PDS5A: variants seen among roughly 807,000 people sequenced by gnomAD.
PDS5A encodes sister chromatid cohesion protein PDS5 homolog A.
PDS5A carries 42 observed loss-of-function variants against 167.1 expected under a neutral mutation model. The observed-to-expected ratio is 0.25, with a 90% CI of 0.20 to 0.33. The LOEUF (loss-of-function observed/expected upper bound fraction) is 0.33, where lower values mean the gene tolerates loss of function less well. Ranked by LOEUF, PDS5A falls within the 10% of genes least tolerant of loss-of-function variation. The probability of loss-of-function intolerance (pLI) is 1.00; values close to 1 mark genes in which losing one functional copy is unlikely to be tolerated. For synonymous variants in PDS5A, 553 were observed against 554.6 expected (o/e 1.00, Z 0.04); for missense variants, 1,033 against 1,605.9 (o/e 0.64, Z 6.10).
rs1715631505 is a variant in PDS5A at position 39,829,624 on chromosome 4, G to A, written c.4011-4136C>T. Among the ~76,000 whole-genome samples, 10 of 149,886 alleles carry A rather than the reference G, an allele frequency of 6.7e-5. No homozygotes were observed. The Admixed American group carries it at 6.7e-4, about 10-fold the overall frequency. Reference sequence around the variant, plus strand: ...ACTGCGCCACTACACTCCAGCCTGGGTGACAGAGTGAGACTTCATCTCCAC... The same window carrying A: ...ACTGCGCCACTACACTCCAGCCTGGATGACAGAGTGAGACTTCATCTCCAC... On this transcript the variant is annotated intron_variant, in intron 32 of 32. Coordinates refer to ENST00000303538, the MANE Select transcript of PDS5A (RefSeq NM_001100399.2).
rs1286768747 is a variant in PDS5A, at chr4:39,973,856, T to C, written c.138+2584A>G. 4.5e-6 allele frequency: 4 copies of C among 890,536 alleles called. No homozygotes were observed. In the African/African-American group the frequency reaches 6.5e-5, roughly 15 times the overall value. The allele number at this position is 890,536 out of a possible 1,614,324, so 55.2% of individuals were successfully genotyped here. On this transcript the variant is annotated intron_variant, in intron 2 of 32. Coordinates refer to ENST00000303538, the MANE Select transcript of PDS5A (RefSeq NM_001100399.2). ...AACCGTGCTGCAAGACCGGGCGCGG[T>C]GGCTCACGCCTGTAATCCCAGCACT...
chr4:39,906,928 A>AT (rs1723419891), intron 11 of PDS5A, among the ~76,000 whole-genome samples: 1 of 145,082 alleles, frequency 6.9e-6, no homozygotes, highest in African/African-American at 2.8e-5. Context: ...AAAAAAAAAA[A>AT]AAAAAAAAAA....
At chr4:39,968,273 TG>T (rs1730170291) in intron 2 of PDS5A, among the ~76,000 whole-genome samples, 1 of 151,646 alleles carries the variant, frequency 6.6e-6, no homozygotes, top group African/African-American at 2.4e-5. Flanking sequence ...GTATTTTAAA[TG>T]TCACTTATTA....
At chr4:39,853,002 C>T (rs919553475) in intron 26 of PDS5A, among the ~76,000 whole-genome samples, 3 of 152,076 alleles carry the variant, frequency 2.0e-5, no homozygotes, top group African/African-American at 7.2e-5. Context: ...TGCAGCCTAC[C>T]TCCTGGGCTC....
chr4:39,902,527 T>G, intron 12 of PDS5A, 67 bp from the exon 13 acceptor site: 1 of 775,936 alleles, frequency 1.3e-6, no homozygotes, highest in East Asian at 2.7e-5. Context: ...AAGCAATTTT[T>G]TTTTTTTTTT....
At chr4:39,862,728 T>C in intron 25 of PDS5A, 141 bp downstream of exon 25, 1 of 621,562 alleles carries the variant, frequency 1.6e-6, no homozygotes, top group Non-Finnish European at 2.8e-6. Context: ...TTTAAGTACA[T>C]CATAACTACA....
chr4:39,830,341 C>A (rs1003978148), intron 32 of PDS5A, among the ~76,000 whole-genome samples: 1 of 152,182 alleles, frequency 6.6e-6, no homozygotes, highest in African/African-American at 2.4e-5. Context: ...AGGTGAATAC[C>A]ACCATGCCGG....
At chr4:39,967,744 G>A (rs1010039015) in intron 2 of PDS5A, among the ~76,000 whole-genome samples, 3 of 151,874 alleles carry the variant, frequency 2.0e-5, no homozygotes, top group Admixed American at 6.6e-5. Context: ...CAGATTATGA[G>A]GTCAGGAGTT....
intron 11 of PDS5A, among the ~76,000 whole-genome samples, chr4:39,905,770 C>T (rs1169740910): frequency 1.3e-5 from 2 of 151,198 alleles, no homozygotes; most frequent in South Asian, 2.1e-4. Flanking sequence ...GACTCAATGC[C>T]TCTGACGAAG....
intron 2 of PDS5A, among the ~76,000 whole-genome samples, chr4:39,961,923 T>C (rs1001608696): frequency 3.3e-5 from 5 of 152,250 alleles, no homozygotes; most frequent in Non-Finnish European, 7.3e-5. Flanking sequence ...ACCTAATTTC[T>C]ATTTAATTCA....
rs1253166973 is a variant in PDS5A, at chr4:39,827,059, G to A, written c.4011-1571C>T. ...CTCTGTTGCCCAGGCTGGAGTGCTTGGCATGATCTCGGCTCACCACAACCT... is the reference window on the plus strand; with the variant it reads ...CTCTGTTGCCCAGGCTGGAGTGCTTAGCATGATCTCGGCTCACCACAACCT... On this transcript the variant is annotated intron_variant, in intron 32 of 32. Transcript: ENST00000303538. Among the ~76,000 whole-genome samples, 13 of 151,152 alleles carry A rather than the reference G, an allele frequency of 8.6e-5. No individual in the cohort carries two copies. The East Asian group carries it at 2.6e-3, about 30-fold the overall frequency.
At chr4:39,829,649 C>CAAA (rs150136201) in intron 32 of PDS5A, among the ~76,000 whole-genome samples, 1 of 107,924 alleles carries the variant, frequency 9.3e-6, no homozygotes, top group African/African-American at 3.6e-5. Flanking sequence ...TTCATCTCCA[C>CAAA]AAAAAAAAAA....
At chr4:39,971,451 G>A (rs961825684) in intron 2 of PDS5A, among the ~76,000 whole-genome samples, 12 of 150,694 alleles carry the variant, frequency 8.0e-5, no homozygotes, top group Middle Eastern at 3.5e-3. Flanking sequence ...CCACCGCACC[G>A]GGCCTGCCTT....
At chr4:39,949,821 G>GAAAAAAA (rs59869303) in intron 2 of PDS5A, among the ~76,000 whole-genome samples, 2,049 of 67,176 alleles carry the variant, frequency 0.031, 248 homozygotes, top group East Asian at 0.26. Flanking sequence ...CTCTGTCTCA[G>GAAAAAAA]AAAAAAAAAA....
Position 39,912,566 on chromosome 4 carries a change from G to A in PDS5A, c.992+1045C>T, listed in dbSNP as rs1723986100. Among the ~76,000 whole-genome samples, 2 of 152,322 alleles carry A rather than the reference G, an allele frequency of 1.3e-5. 1 individual carries two copies. Among genetic ancestry groups the A allele is most frequent in the East Asian group, 3.9e-4 (2 of 5,194 alleles). On this transcript the variant is annotated intron_variant, in intron 9 of 32. Transcript: ENST00000303538. ...AGTAGGCCTTGTCAGCGATTTCTCA[G>A]AACCTAGGATTAGTATGAGAACTAT...
chr4:39,899,747 G>C (rs1722714854), intron 14 of PDS5A, among the ~76,000 whole-genome samples: 1 of 151,212 alleles, frequency 6.6e-6, no homozygotes, highest in Non-Finnish European at 1.5e-5. Flanking sequence ...TATTCAGAAG[G>C]CTGAGGTGGG....
chr4:39,833,542 G>T (rs1337131538), intron 32 of PDS5A, among the ~76,000 whole-genome samples: 2 of 151,990 alleles, frequency 1.3e-5, no homozygotes, highest in Non-Finnish European at 2.9e-5. Context: ...GCACATACCA[G>T]ACACCTGGCT....
At position 39,824,206 on chromosome 4, in the gene PDS5A, C is replaced by G. The variant is rs1715076405; in HGVS notation, c.*1279G>C. On this transcript the variant is annotated 3_prime_UTR_variant, in exon 33 of 33. Coordinates refer to ENST00000303538, the MANE Select transcript of PDS5A (RefSeq NM_001100399.2). ...AAATTAAAAACCTGAGGCTTAGTCA[C>G]TATTTTATATAGATAATGGAGAGTT... 6.6e-6 allele frequency: 1 copy of G among 152,132 alleles called. No homozygotes were observed. The highest frequency in any genetic ancestry group is 2.1e-4 in the South Asian group (1 of 4,832). 9.4% of individuals were successfully genotyped at this position (152,132 alleles called of 1,614,324 possible). A position where few individuals can be genotyped will look rare whatever the true frequency, so the allele number is the denominator to read the frequency against.
intron 2 of PDS5A, among the ~76,000 whole-genome samples, chr4:39,928,496 A>C (rs879781330): frequency 6.6e-6 from 1 of 152,130 alleles, no homozygotes; most frequent in Admixed American, 6.5e-5. Flanking sequence ...CATTCATTTG[A>C]TATTTGGCAA....
Sources: allele counts gnomAD v4.1 joint callset (sites outside exome capture counted in the v4.1 genomes callset), GRCh38; gene constraint gnomAD v4.1.1; transcripts MANE v1.5; gene names NCBI Gene and HGNC (gene_info 2026-07-23, HGNC 2026-07-21).